GALNT3: variants seen among roughly 807,000 people sequenced by gnomAD.
GALNT3 encodes GalNAc transferase 3.
In GALNT3, 51 loss-of-function variants were observed where a neutral mutation model predicts 69.8. That is an observed-to-expected ratio of 0.73 (90% confidence interval 0.58 to 0.92). The LOEUF (loss-of-function observed/expected upper bound fraction) is 0.92. GALNT3 is among the 40% of genes least tolerant of loss of function. GALNT3 has a pLI of 0.00. For synonymous variants in GALNT3, 265 were observed against 248.5 expected, an observed-to-expected ratio of 1.07 and a Z score of -0.63; for missense variants, 711 against 760.0, an observed-to-expected ratio of 0.94 and a Z score of 0.76.
Position 165,762,124 on chromosome 2 carries a change from G to A in GALNT3, c.689-70C>T, listed in dbSNP as rs75708162. 1,501 of 1,096,254 alleles carry A rather than the reference G, an allele frequency of 1.4e-3. 15 individuals are homozygous for A. The African/African-American group carries it at 0.02, about 15-fold the overall frequency. The allele number at this position is 1,096,254 out of a possible 1,614,324, so 67.9% of individuals were successfully genotyped here. On this transcript the variant is annotated intron_variant, in intron 3 of 10. Coordinates refer to ENST00000392701, the MANE Select transcript of GALNT3 (RefSeq NM_004482.4). ...TCATATATAGCTTATGAAAGCTAATGAAACCACAGAGCAATGATCCTTCCA... is the reference window on the plus strand; with the variant it reads ...TCATATATAGCTTATGAAAGCTAATAAAACCACAGAGCAATGATCCTTCCA...
intron 6 of GALNT3, among the ~76,000 whole-genome samples, chr2:165,758,060 CA>C (rs753452375): frequency 2.0e-5 from 3 of 152,100 alleles, no homozygotes; most frequent in Non-Finnish European, 4.4e-5. Flanking sequence ...TGTGACCCAA[CA>C]CGTGCTAGGG....
At chr2:165,764,350 T>C (rs766939090) in intron 3 of GALNT3, among the ~76,000 whole-genome samples, 1 of 152,222 alleles carries the variant, frequency 6.6e-6, no homozygotes, top group Non-Finnish European at 1.5e-5. Context: ...TATGTACTAG[T>C]TCTGTATTTC....
chr2:165,762,295 C>G (rs77892731), intron 3 of GALNT3, among the ~76,000 whole-genome samples: 1 of 152,176 alleles, frequency 6.6e-6, no homozygotes, highest in Non-Finnish European at 1.5e-5. Flanking sequence ...TGTACACTTC[C>G]TATCAATAAA....
At chr2:165,778,317 C>T (rs998062840) in intron 1 of GALNT3, among the ~76,000 whole-genome samples, 2 of 152,096 alleles carry the variant, frequency 1.3e-5, no homozygotes, top group Admixed American at 6.5e-5. Context: ...ACTGGTATTC[C>T]CTGCCCCCCA....
chr2:165,770,935 G>A (rs925831472), intron 1 of GALNT3, 127 bp from the exon 2 acceptor site: 12 of 402,274 alleles, frequency 3.0e-5, no homozygotes, highest in Admixed American at 4.1e-5. Context: ...AGAATACAAA[G>A]ATATCTTGTC....
At chr2:165,748,967 A>G in intron 10 of GALNT3, 64 bp from the exon 11 acceptor site, 1 of 1,504,942 alleles carries the variant, frequency 6.6e-7, no homozygotes, top group Non-Finnish European at 9.1e-7. Flanking sequence ...CAAATATGAA[A>G]AAGATTTTAT....
At chr2:165,758,172 TA>T (rs1688479823) in intron 6 of GALNT3, among the ~76,000 whole-genome samples, 1 of 152,172 alleles carries the variant, frequency 6.6e-6, no homozygotes, top group African/African-American at 2.4e-5. Context: ...AGCCAAAACT[TA>T]AATCTTCTAA....
intron 5 of GALNT3, among the ~76,000 whole-genome samples, chr2:165,759,128 C>T (rs1198987790): frequency 1.3e-5 from 2 of 152,118 alleles, no homozygotes; most frequent in Admixed American, 1.3e-4. Context: ...ATGAGGAAGA[C>T]ATAAGAGCTC....
chr2:165,749,721 G>T (rs749600839), intron 10 of GALNT3, 21 bp downstream of exon 10: 4 of 1,607,406 alleles, frequency 2.5e-6, no homozygotes, highest in African/African-American at 1.3e-5. Context: ...TTAAATAGAT[G>T]AATTAATTGC....
intron 1 of GALNT3, among the ~76,000 whole-genome samples, chr2:165,780,322 G>T (rs1316003041): frequency 6.6e-6 from 1 of 152,164 alleles, no homozygotes; most frequent in African/African-American, 2.4e-5. Context: ...TTTTCATTTT[G>T]AAAGGTTCAT....
intron 1 of GALNT3, among the ~76,000 whole-genome samples, chr2:165,787,089 T>C (rs1022416556): frequency 6.6e-6 from 1 of 152,242 alleles, no homozygotes; most frequent in Non-Finnish European, 1.5e-5. Flanking sequence ...AGGTACTAAA[T>C]AGGACTTTAT....
chr2:165,770,336 C>T lies in GALNT3; in HGVS notation c.365G>A (p.Gly122Asp), dbSNP rs374241607. Residue 122 changes from glycine (G) to aspartate (D), a missense_variant, in exon 2 of 11, where the codon GGT (glycine) becomes GAT (aspartate). By Grantham distance (94) the Gly-to-Asp change is moderately conservative. Coordinates refer to ENST00000392701, the MANE Select transcript of GALNT3 (RefSeq NM_004482.4). Reference sequence around the variant, plus strand: ...TGTCTTGAATGCTTTACCAGAAGCACCAGGTGCATTTGAATCCTGAGGTGG... The same window carrying T: ...TGTCTTGAATGCTTTACCAGAAGCATCAGGTGCATTTGAATCCTGAGGTGG... ...DRPPQDSNAP[G>D]ASGKAFKTTN... is the part of the protein sequence containing the mutation. The T allele has an allele frequency of 3.1e-6, 5 of 1,614,114 alleles. No homozygotes were observed. Among genetic ancestry groups the T allele is most frequent in the Non-Finnish European group, 4.2e-6 (5 of 1,180,022 alleles).
chr2:165,765,315 TC>T (rs1403080227), intron 2 of GALNT3, among the ~76,000 whole-genome samples: 1 of 152,180 alleles, frequency 6.6e-6, no homozygotes, highest in Non-Finnish European at 1.5e-5. Context: ...ATTATAGCTT[TC>T]TCAACAATGT....
intron 6 of GALNT3, 42 bp downstream of exon 6, chr2:165,758,701 TTTCA>T (rs1688489922): frequency 8.7e-7 from 1 of 1,154,332 alleles, no homozygotes; most frequent in Admixed American, 1.7e-5. Flanking sequence ...ACACAATATA[TTTCA>T]TTGTTTAATA....
At chr2:165,757,939 T>C (rs1688474429) in intron 6 of GALNT3, among the ~76,000 whole-genome samples, 1 of 152,212 alleles carries the variant, frequency 6.6e-6, no homozygotes, top group Admixed American at 6.5e-5. Context: ...ATAAGTCATA[T>C]TTAATACTAT....
In GALNT3 at chr2:165,762,551, C is replaced by T. The variant is rs969608217; in HGVS notation, c.689-497G>A. ...AATTTAACACCAAAATGTTGAGCCACGTCAGAAAGTCCACAGCTATAGCAG... is the reference window on the plus strand; with the variant it reads ...AATTTAACACCAAAATGTTGAGCCATGTCAGAAAGTCCACAGCTATAGCAG... On this transcript the variant is annotated intron_variant, in intron 3 of 10. Transcript: ENST00000392701. Among the ~76,000 whole-genome samples the T allele has an allele frequency of 2.6e-5, 4 of 152,166 alleles. 1 individual carries two copies. Among genetic ancestry groups the T allele is most frequent in the Admixed American group, 1.3e-4 (2 of 15,284 alleles).
rs751672055 is a variant in GALNT3, at chr2:165,759,413, G to A, written c.996C>T (p.Asp332=). 12 of 1,614,020 alleles carry A rather than the reference G, an allele frequency of 7.4e-6. No homozygotes were observed. The highest frequency in any genetic ancestry group is 1.3e-5 in the African/African-American group (1 of 75,008). Residue 332 remains aspartate (D), a synonymous_variant, in exon 5 of 11, where the codon GAC becomes GAT. Transcript: ENST00000392701. ...ACTCCCAGCCAAATGAAAGACTCCAGTCAAAATTTCCACGGTTATGGTTAC... is the reference window on the plus strand; with the variant it reads ...ACTCCCAGCCAAATGAAAGACTCCAATCAAAATTTCCACGGTTATGGTTAC... ...YGSNHNRGNF[D]WSLSFGWESL...
intron 1 of GALNT3, among the ~76,000 whole-genome samples, chr2:165,786,856 C>T (rs1039449606): frequency 6.6e-6 from 1 of 152,188 alleles, no homozygotes; most frequent in South Asian, 2.1e-4. Flanking sequence ...GCTTTGAAGA[C>T]TAAATAAGTA....
chr2:165,764,823 T>G, intron 3 of GALNT3, 61 bp downstream of exon 3: 1 of 1,547,586 alleles, frequency 6.5e-7, no homozygotes, highest in Non-Finnish European at 8.9e-7. Flanking sequence ...CATAACCAAG[T>G]AGACTGTAGA....
Sources: gnomAD v4.1 joint callset for allele counts (sites outside exome capture counted in the v4.1 genomes callset) on GRCh38, gnomAD v4.1.1 for gene constraint, MANE v1.5 for transcripts, NCBI Gene and HGNC (gene_info 2026-07-23, HGNC 2026-07-21) for gene names.